The following DLG2 variants were observed in gnomAD, a reference collection of about 807,000 sequenced individuals.
DLG2 encodes the protein discs large MAGUK scaffold protein 2.
A neutral mutation model predicts 132.5 loss-of-function variants in DLG2; 45 were observed. The ratio of observed to expected loss-of-function variants is 0.34; its 90% CI spans 0.27 to 0.44. The LOEUF is 0.44. Among genes scored for constraint, DLG2 ranks in the 20% least tolerant of loss-of-function variants. DLG2 has a pLI of 1.00. For missense variants in DLG2, 1,045 were observed against 1,196.9 expected (o/e 0.87, Z 1.87); for synonymous variants, 424 against 419.6 (o/e 1.01, Z -0.13).
In DLG2 at chr11:85,568,695, C is replaced by T. The variant is rs573927498; in HGVS notation, c.40+29962G>A. The stretch of plus-strand genomic sequence containing the variant: ...TTTCAACTATGTTGTCTAATTTGTT[C>T]GGCATACAATTGCTTATACTATTTT... On this transcript the variant is annotated intron_variant, in intron 3 of 27. Transcript: ENST00000376104. Among the ~76,000 whole-genome samples the T allele has an allele frequency of 1.7e-4, 26 of 152,162 alleles. No homozygotes were observed. The East Asian group carries it at 2.7e-3, about 16-fold the overall frequency.
intron 15 of DLG2, among the ~76,000 whole-genome samples, chr11:83,912,404 G>C (rs111279138): frequency 1.3e-5 from 2 of 152,020 alleles, no homozygotes; most frequent in Non-Finnish European, 2.9e-5. Flanking sequence ...AAACTAATCA[G>C]ATGTTCAAAC....
Position 83,855,086 on chromosome 11 carries a change from T to C in DLG2, c.1565+19334A>G, listed in dbSNP as rs376649447. ...ACATGAAAAGACGCCTCACATCATA[T>C]ATCATCAGAGAAATGCAAATTATAA... On this transcript the variant is annotated intron_variant, in intron 16 of 27. Transcript: ENST00000376104. 2.6e-5 allele frequency among the ~76,000 whole-genome samples: 4 copies of C among 152,206 alleles called. No homozygotes were observed. The South Asian group carries it at 6.2e-4, about 24-fold the overall frequency.
intron 7 of DLG2, among the ~76,000 whole-genome samples, chr11:84,297,623 C>T (rs2045831094): frequency 1.3e-5 from 2 of 152,086 alleles, no homozygotes; most frequent in African/African-American, 2.4e-5. Flanking sequence ...TCCATTCTTG[C>T]CCCTCCCCTC....
intron 7 of DLG2, among the ~76,000 whole-genome samples, chr11:84,406,262 A>G (rs2098848931): frequency 6.6e-6 from 1 of 152,048 alleles, no homozygotes; most frequent in African/African-American, 2.4e-5. Flanking sequence ...TGCCCTGCCT[A>G]TCTACCCAGC....
chr11:84,132,311 G>A (rs1374971273), intron 9 of DLG2, among the ~76,000 whole-genome samples: 1 of 151,950 alleles, frequency 6.6e-6, no homozygotes. Context: ...CAAGATACCT[G>A]ATATCTATAA....
At chr11:84,746,859 G>T (rs2065435827) in intron 6 of DLG2, among the ~76,000 whole-genome samples, 1 of 152,128 alleles carries the variant, frequency 6.6e-6, no homozygotes, top group South Asian at 2.1e-4. Context: ...CCTCAGGAAG[G>T]TAGTAAGATA....
chr11:83,532,847 T>G, intron 20 of DLG2, 64 bp from the exon 21 acceptor site: 5 of 1,378,224 alleles, frequency 3.6e-6, no homozygotes, highest in Non-Finnish European at 5.1e-6. Context: ...AGTTCCATAT[T>G]AAGTGAAGAA....
rs537370048 is a variant in DLG2 at position 83,665,112 on chromosome 11, A to G, written c.1826-31787T>C. The stretch of plus-strand genomic sequence containing the variant: ...ATGCCTTGAAACTTTAGATGTGTGG[A>G]AAAATGAAGTGTGTGCCTGTAAGAG... On this transcript the variant is annotated intron_variant, in intron 18 of 27. Coordinates refer to ENST00000376104, the MANE Select transcript of DLG2 (RefSeq NM_001142699.3). Among the ~76,000 whole-genome samples, 5 of 152,358 alleles carry G rather than the reference A, an allele frequency of 3.3e-5. 1 individual carries two copies. In the South Asian group the frequency reaches 1.0e-3, roughly 32 times the overall value.
intron 6 of DLG2, among the ~76,000 whole-genome samples, chr11:85,001,916 G>A (rs2058247532): frequency 6.6e-6 from 1 of 152,046 alleles, no homozygotes; most frequent in Non-Finnish European, 1.5e-5. Context: ...TCTATTTTCT[G>A]CTCAATTTGG....
At chr11:84,715,135 T>C (rs1050663771) in intron 6 of DLG2, among the ~76,000 whole-genome samples, 3 of 152,256 alleles carry the variant, frequency 2.0e-5, no homozygotes, top group Admixed American at 1.3e-4. Context: ...TATCTTAATA[T>C]ATAAAAACAA....
chr11:84,196,611 A>G (rs1054267042), intron 8 of DLG2, among the ~76,000 whole-genome samples: 1 of 152,168 alleles, frequency 6.6e-6, no homozygotes, highest in African/African-American at 2.4e-5. Flanking sequence ...AATTTAACTA[A>G]CTGGTATTTT....
intron 6 of DLG2, among the ~76,000 whole-genome samples, chr11:84,690,153 G>A (rs2057853132): frequency 6.6e-6 from 1 of 151,718 alleles, no homozygotes; most frequent in Non-Finnish European, 1.5e-5. Flanking sequence ...GAAAAGGAGA[G>A]ATATTGATCA....
Position 84,059,362 on chromosome 11 carries a change from G to A in DLG2, c.872C>T (p.Pro291Leu). 1 of 1,613,626 alleles carries A rather than the reference G, an allele frequency of 6.2e-7. No individual in the cohort carries two copies. ...GATTTCCACAACGGTCTCCAAAATA[G>A]GTCGTCTTCTACGCACATACAGCCG... The part of the protein sequence containing the change: ...IVRLYVRRRR[P>L]ILETVVEIKL... The change falls in exon 11 of 28, where the codon CCT becomes CTT. Residue 291 changes from proline to leucine, a missense_variant. Transcript: ENST00000376104.
chr11:85,536,214 CAAA>C (rs527811605), intron 3 of DLG2, among the ~76,000 whole-genome samples: 270 of 57,492 alleles, frequency 4.7e-3, no homozygotes, highest in African/African-American at 0.015. Context: ...GACCCTGTCT[CAAA>C]AAAAAAAAAA....
chr11:84,410,705 G>A (rs1056650121), intron 7 of DLG2, among the ~76,000 whole-genome samples: 2 of 148,482 alleles, frequency 1.3e-5, no homozygotes, highest in African/African-American at 2.5e-5. Flanking sequence ...TCAGCCTCCC[G>A]AGTAGCTGGA....
At chr11:85,552,506 A>C (rs1177152865) in intron 3 of DLG2, among the ~76,000 whole-genome samples, 1 of 151,706 alleles carries the variant, frequency 6.6e-6, no homozygotes, top group Non-Finnish European at 1.5e-5. Context: ...AAAATAAAAC[A>C]ATCTGATATT....
At chr11:84,311,034 A>G (rs550691488) in intron 7 of DLG2, among the ~76,000 whole-genome samples, 8 of 152,208 alleles carry the variant, frequency 5.3e-5, no homozygotes, top group Non-Finnish European at 1.0e-4. Flanking sequence ...CTTCATCAAC[A>G]CAATTCTATT....
chr11:84,780,079 C>T (rs2071439794), intron 6 of DLG2, among the ~76,000 whole-genome samples: 1 of 151,924 alleles, frequency 6.6e-6, no homozygotes, highest in South Asian at 2.1e-4. Flanking sequence ...AAGGACACAA[C>T]AAAAATAGAA....
At chr11:84,588,007 C>G (rs1365914971) in intron 6 of DLG2, among the ~76,000 whole-genome samples, 1 of 152,166 alleles carries the variant, frequency 6.6e-6, no homozygotes, top group Non-Finnish European at 1.5e-5. Flanking sequence ...CTCTGCTTAA[C>G]AAGCCCAAAC....
Sources: allele counts gnomAD v4.1 joint callset (sites outside exome capture counted in the v4.1 genomes callset), GRCh38; gene constraint gnomAD v4.1.1; transcripts MANE v1.5; gene names NCBI Gene and HGNC (gene_info 2026-07-23, HGNC 2026-07-21).